THOC1: variants seen among roughly 807,000 people sequenced by gnomAD.
THOC1 encodes THO complex subunit 1.
In THOC1, 29 loss-of-function variants were observed where a neutral mutation model predicts 97.3. The ratio of observed to expected loss-of-function variants is 0.30; its 90% CI spans 0.22 to 0.41. The LOEUF is 0.41. Ranked by LOEUF, THOC1 falls within the 10% of genes least tolerant of loss-of-function variation. THOC1 has a pLI of 1.00. For synonymous variants in THOC1, 255 were observed against 257.0 expected (o/e 0.99, Z 0.07); for missense variants, 529 against 761.9 (o/e 0.69, Z 3.60).
chr18:224,173 T>C lies in THOC1; in HGVS notation c.1215A>G (p.Ser405=), dbSNP rs1357525356. Residue 405 remains serine (S), a synonymous_variant, in exon 16 of 21, where the codon TCA becomes TCG. Transcript: ENST00000261600. ...GAATTATTCTCGTAGGTTTGGTATC[T>C]GATGTTCTGTCGTGAACAAAACATA... ...GCPSFVKERT[S]DTKPTRIIRK... The C allele has an allele frequency of 6.2e-7, 1 of 1,602,268 alleles. No individual in the cohort carries two copies. Among genetic ancestry groups the C allele is most frequent in the Admixed American group, 1.7e-5 (1 of 58,980 alleles).
At chr18:259,112 G>A in intron 7 of THOC1, 68 bp downstream of exon 7, 2 of 1,186,298 alleles carry the variant, frequency 1.7e-6, no homozygotes, top group Non-Finnish European at 2.4e-6. Context: ...TATCATGACA[G>A]ATTTTAATCT....
chr18:251,624 C>T (rs1425191425), intron 9 of THOC1, among the ~76,000 whole-genome samples: 4 of 152,160 alleles, frequency 2.6e-5, no homozygotes, highest in African/African-American at 9.7e-5. Context: ...CACATTCTCC[C>T]TATGTCTGTG....
In THOC1 at chr18:231,357, TGTCA is replaced by T. The variant is rs1212516927; in HGVS notation, c.919-4460_919-4457del. ...TTTTAGTCATCCTTACATGCCTCTC[TGTCA>T]ATCAATTTTACATATAAATAATATT... On this transcript the variant is annotated intron_variant, in intron 11 of 20. Coordinates refer to ENST00000261600, the MANE Select transcript of THOC1 (RefSeq NM_005131.3). Among the ~76,000 whole-genome samples, 9 of 152,344 alleles carry T rather than the reference TGTCA, an allele frequency of 5.9e-5. No individual in the cohort carries two copies. In the East Asian group the frequency reaches 9.6e-4, roughly 16 times the overall value.
At chr18:239,700 CA>C (rs1484630417) in intron 11 of THOC1, among the ~76,000 whole-genome samples, 1 of 152,100 alleles carries the variant, frequency 6.6e-6, no homozygotes, top group Non-Finnish European at 1.5e-5. Flanking sequence ...TTAATGTTTA[CA>C]TATTAAACAT....
intron 11 of THOC1, among the ~76,000 whole-genome samples, chr18:235,330 TTTAG>T (rs1478932581): frequency 1.3e-5 from 2 of 152,154 alleles, no homozygotes; most frequent in African/African-American, 4.8e-5. Context: ...GCTGATATGT[TTTAG>T]TTTGTTTTAT....
At chr18:243,402 T>C (rs1911976333) in intron 11 of THOC1, among the ~76,000 whole-genome samples, 1 of 152,142 alleles carries the variant, frequency 6.6e-6, no homozygotes, top group African/African-American at 2.4e-5. Flanking sequence ...TTTTCATTAC[T>C]AAAATGTCTT....
intron 20 of THOC1, 128 bp from the exon 21 acceptor site, chr18:215,049 T>G (rs1435340971): frequency 1.2e-6 from 1 of 832,726 alleles, no homozygotes; most frequent in Non-Finnish European, 1.8e-6. Flanking sequence ...CAATTATTTT[T>G]TATATTCTCC....
At chr18:238,911 CTT>C (rs1487708486) in intron 11 of THOC1, among the ~76,000 whole-genome samples, 2 of 152,054 alleles carry the variant, frequency 1.3e-5, no homozygotes, top group Non-Finnish European at 2.9e-5. Context: ...GACTTTATGA[CTT>C]TTCTTTGATT....
At chr18:260,124 C>T in intron 5 of THOC1, 62 bp downstream of exon 5, 2 of 1,089,446 alleles carry the variant, frequency 1.8e-6, no homozygotes, top group East Asian at 3.0e-5. Flanking sequence ...AAAAAATCTA[C>T]CCTCAGAATT....
At chr18:250,037 T>C (rs1299406259) in intron 9 of THOC1, among the ~76,000 whole-genome samples, 1 of 152,224 alleles carries the variant, frequency 6.6e-6, no homozygotes, top group African/African-American at 2.4e-5. Flanking sequence ...CCAATCACAA[T>C]ATTATTCCAT....
chr18:265,563 A>C (rs1226008366), intron 1 of THOC1, 33 bp from the exon 2 acceptor site: 1 of 1,495,346 alleles, frequency 6.7e-7, no homozygotes, highest in Non-Finnish European at 9.0e-7. Context: ...AATAATTGTA[A>C]AGATTTTGCT....
In THOC1 at chr18:241,308, C is replaced by T. The variant is rs1430572269; in HGVS notation, c.918+5016G>A. 2.6e-5 allele frequency among the ~76,000 whole-genome samples: 4 copies of T among 152,136 alleles called. No homozygotes were observed. In the East Asian group the frequency reaches 7.7e-4, roughly 29 times the overall value. ...AGCCGTTACTACATAAAGATTCAAC[C>T]TCTCAAATGGACATAAAAAGTACAA... On this transcript the variant is annotated intron_variant, in intron 11 of 20. Coordinates refer to ENST00000261600, the MANE Select transcript of THOC1 (RefSeq NM_005131.3).
At chr18:224,040 T>C (rs75983523) in intron 16 of THOC1, 44 bp downstream of exon 16, 1 of 1,317,268 alleles carries the variant, frequency 7.6e-7, no homozygotes, top group East Asian at 2.5e-5. Flanking sequence ...CTTCAAAATA[T>C]AAAAATAACT....
rs933814389 is a variant in THOC1 at position 254,149 on chromosome 18, C to T, written c.603+124G>A. ...CTGGTCTTGAACTCCTAGGCTCAAG[C>T]GATCTGCCCACCTCAGCCTCCCAAA... On this transcript the variant is annotated intron_variant, in intron 8 of 20. Coordinates refer to ENST00000261600, the MANE Select transcript of THOC1 (RefSeq NM_005131.3). This position sits in a 1 kb window ranked among gnomAD's most constrained non-coding sequence, Gnocchi z 4.1. The T allele has an allele frequency of 3.6e-5, 24 of 669,208 alleles. No individual in the cohort carries two copies. In the East Asian group the frequency reaches 5.7e-4, roughly 16 times the overall value. The allele number at this position is 669,208 out of a possible 1,614,324, so 41.5% of individuals were successfully genotyped here.
chr18:262,973 T>A (rs1363199386), intron 4 of THOC1, among the ~76,000 whole-genome samples: 1 of 152,238 alleles, frequency 6.6e-6, no homozygotes, highest in East Asian at 1.9e-4. Flanking sequence ...CTGTGTACTA[T>A]GTGCATTGTT....
intron 19 of THOC1, 135 bp from the exon 20 acceptor site, chr18:215,639 GAC>G (rs1432606933): frequency 2.5e-5 from 16 of 652,552 alleles, no homozygotes; most frequent in Middle Eastern, 2.5e-4. Context: ...AGCGTTAAAT[GAC>G]AGTGTCAGGT....
Position 254,172 on chromosome 18 carries a change from A to G in THOC1, c.603+101T>C, listed in dbSNP as rs149003938. The stretch of plus-strand genomic sequence containing the variant: ...AGCGATCTGCCCACCTCAGCCTCCC[A>G]AAGTGCTAGGATTACAAGTGTGAGC... On this transcript the variant is annotated intron_variant, in intron 8 of 20. Coordinates refer to ENST00000261600, the MANE Select transcript of THOC1 (RefSeq NM_005131.3). The surrounding 1 kb of genome is among the most constrained non-coding windows in gnomAD (Gnocchi z 4.1). 3,136 of 826,594 alleles carry G rather than the reference A, an allele frequency of 3.8e-3. 7 individuals are homozygous for G. Among genetic ancestry groups the G allele is most frequent in the Non-Finnish European group, 5.2e-3 (2,627 of 501,100 alleles). 51.2% of individuals were successfully genotyped at this position (826,594 alleles called of 1,614,324 possible).
At chr18:238,709 T>C (rs541203708) in intron 11 of THOC1, among the ~76,000 whole-genome samples, 3 of 152,344 alleles carry the variant, frequency 2.0e-5, no homozygotes, top group East Asian at 3.9e-4. Flanking sequence ...TGACCAGTTA[T>C]GTGGTTGTTA....
chr18:265,411 G>C (rs535228455), intron 2 of THOC1, 46 bp downstream of exon 2: 3 of 1,586,986 alleles, frequency 1.9e-6, no homozygotes, highest in East Asian at 4.5e-5. Context: ...CTCAGGGTAT[G>C]TATAAAGATT....
Sources: allele counts gnomAD v4.1 joint callset (sites outside exome capture counted in the v4.1 genomes callset), GRCh38; gene constraint gnomAD v4.1.1; non-coding constraint Gnocchi (gnomAD v3.1); transcripts MANE v1.5; gene names NCBI Gene and HGNC (gene_info 2026-07-23, HGNC 2026-07-21).